GYS2: variants seen among roughly 807,000 people sequenced by gnomAD.
The protein encoded by GYS2 is glycogen [starch] synthase, liver.
GYS2 carries 80 observed loss-of-function variants against 85.6 expected under a neutral mutation model. The observed-to-expected ratio is 0.93, with a 90% CI of 0.78 to 1.13. The LOEUF (loss-of-function observed/expected upper bound fraction) is 1.13, where lower values mean the gene tolerates loss of function less well. Ranked by LOEUF, GYS2 falls within the 50% of genes most tolerant of loss-of-function variation. The pLI, the probability that GYS2 is intolerant of heterozygous loss-of-function variation, is 0.00. For missense variants in GYS2, 881 were observed against 854.9 expected (o/e 1.03, Z -0.38); for synonymous variants, 328 against 300.7 (o/e 1.09, Z -0.94).
chr12:21,586,627 CT>C (rs1944577542), intron 1 of GYS2, among the ~76,000 whole-genome samples: 1 of 152,036 alleles, frequency 6.6e-6, no homozygotes, highest in Admixed American at 6.6e-5. Context: ...CATATGATAC[CT>C]CCTTATGCCA....
At chr12:21,587,479 C>A (rs1565610334) in intron 1 of GYS2, among the ~76,000 whole-genome samples, 1 of 152,098 alleles carries the variant, frequency 6.6e-6, no homozygotes, top group Non-Finnish European at 1.5e-5. Context: ...CTTACAAGAT[C>A]TGATGGTTTT....
At chr12:21,545,907 T>C (rs1486354170) in intron 12 of GYS2, among the ~76,000 whole-genome samples, 1 of 152,188 alleles carries the variant, frequency 6.6e-6, no homozygotes, top group East Asian at 1.9e-4. Flanking sequence ...ATTAAATATG[T>C]TCATTAAATT....
At chr12:21,577,931 A>G (rs1170953148) in intron 2 of GYS2, among the ~76,000 whole-genome samples, 1 of 152,164 alleles carries the variant, frequency 6.6e-6, no homozygotes, top group African/African-American at 2.4e-5. Flanking sequence ...CCTTATCCTA[A>G]GCAACTTCAA....
chr12:21,593,619 T>C (rs1012197619), intron 1 of GYS2, among the ~76,000 whole-genome samples: 1 of 151,898 alleles, frequency 6.6e-6, no homozygotes, highest in African/African-American at 2.4e-5. Context: ...ATTGAATCAG[T>C]AGTAAAAAGT....
At chr12:21,588,382 CA>C (rs1214930952) in intron 1 of GYS2, among the ~76,000 whole-genome samples, 1 of 152,132 alleles carries the variant, frequency 6.6e-6, no homozygotes. Context: ...CTGAGCCATG[CA>C]AAATATACTT....
chr12:21,587,869 A>G (rs1944591773), intron 1 of GYS2, among the ~76,000 whole-genome samples: 1 of 152,074 alleles, frequency 6.6e-6, no homozygotes, highest in African/African-American at 2.4e-5. Context: ...TAATGGTCAG[A>G]GCCCAGGCCC....
chr12:21,577,695 C>T (rs1944462045), intron 2 of GYS2, among the ~76,000 whole-genome samples: 1 of 152,114 alleles, frequency 6.6e-6, no homozygotes, highest in African/African-American at 2.4e-5. Flanking sequence ...TTGCATGCAC[C>T]TCCTAGACAC....
chr12:21,589,696 T>C (rs1455767224), intron 1 of GYS2, among the ~76,000 whole-genome samples: 1 of 152,118 alleles, frequency 6.6e-6, no homozygotes. Flanking sequence ...CACATCTGCA[T>C]TATGGACTCC....
chr12:21,604,460 A>G lies in GYS2; in HGVS notation c.121+12T>C. 1 of 1,539,366 alleles carries G rather than the reference A, an allele frequency of 6.5e-7. No homozygotes were observed. Among genetic ancestry groups the G allele is most frequent in the Non-Finnish European group, 9.0e-7 (1 of 1,112,354 alleles). On this transcript the variant is annotated intron_variant, in intron 1 of 15. Transcript: ENST00000261195. ...GAAGGTGTACTGATCCACCTTCAGGAGCAGTACAAACCTTTATTGGTCACT... is the reference window on the plus strand; with the variant it reads ...GAAGGTGTACTGATCCACCTTCAGGGGCAGTACAAACCTTTATTGGTCACT...
rs34225615 is a variant in GYS2, at chr12:21,580,365, C to A, written c.280G>T (p.Ala94Ser). ...VNDAVRRAVD[A>S]MNKHGCQVHF... ...ACCTGGCAGCCATGCTTATTCATTG[C>A]GTCCACTGCTCTTCTGACAGCATCA... The change falls in exon 2 of 16, where the codon GCA becomes TCA. Residue 94 changes from alanine (A) to serine (S), a missense_variant. Transcript: ENST00000261195. 1 of 1,613,594 alleles carries A rather than the reference C, an allele frequency of 6.2e-7. No individual in the cohort carries two copies. The highest frequency in any genetic ancestry group is 1.6e-4 in the Middle Eastern group (1 of 6,062).
intron 5 of GYS2, among the ~76,000 whole-genome samples, chr12:21,566,638 C>T (rs555758336): frequency 2.6e-5 from 4 of 152,252 alleles, no homozygotes; most frequent in Admixed American, 1.3e-4. Context: ...TAAATCTTTA[C>T]AATGTACCAG....
Position 21,559,665 on chromosome 12 carries a change from A to G in GYS2, c.1215T>C (p.Tyr405=). 6.4e-7 allele frequency: 1 copy of G among 1,573,586 alleles called. No homozygotes were observed. ...CAAGCACCTACCTTAATAATGCATC[A>G]TAGAGTTTTTTTCCAAACTTTTCCT... ...SVKEKFGKKL[Y]DALLRGEIPD... is the part of the protein sequence containing the mutation. Residue 405 remains tyrosine (Y), a synonymous_variant, in exon 9 of 16, where the codon TAT becomes TAC. Coordinates refer to ENST00000261195, the MANE Select transcript of GYS2 (RefSeq NM_021957.4).
chr12:21,601,456 C>G (rs1944755581), intron 1 of GYS2, among the ~76,000 whole-genome samples: 1 of 152,132 alleles, frequency 6.6e-6, no homozygotes. Context: ...TACTCCTCTC[C>G]TTTTCCCTCT....
intron 13 of GYS2, among the ~76,000 whole-genome samples, chr12:21,542,196 C>T (rs2136841338): frequency 6.6e-6 from 1 of 151,976 alleles, no homozygotes; most frequent in South Asian, 2.1e-4. Flanking sequence ...TACAGGCGTG[C>T]ACCACCATAC....
chr12:21,540,546 C>A lies in GYS2; in HGVS notation c.1673G>T (p.Arg558Leu). The A allele has an allele frequency of 6.2e-7, 1 of 1,613,962 alleles. No homozygotes were observed. The highest frequency in any genetic ancestry group is 8.5e-7 in the Non-Finnish European group (1 of 1,179,908). Residue 558 changes from arginine to leucine, a missense_variant, in exon 14 of 16, where the codon CGT becomes CTT. Coordinates refer to ENST00000261195, the MANE Select transcript of GYS2 (RefSeq NM_021957.4). Reference protein sequence around the residue: ...YGIYIVDRRFRSPDDSCNQLT... With the variant: ...YGIYIVDRRFLSPDDSCNQLT... ...CTGATTGCAAGAATCATCTGGAGAA[C>A]GGAACCGCCTGTCAACGATGTAAAT...
Position 21,575,956 on chromosome 12 carries a change from C to G in GYS2, c.405G>C (p.Trp135Cys). 1 of 1,613,778 alleles carries G rather than the reference C, an allele frequency of 6.2e-7. No homozygotes were observed. The change falls in exon 3 of 16, where the codon TGG becomes TGC. Residue 135 changes from tryptophan to cysteine, a missense_variant. By Grantham distance (215) the Trp-to-Cys change is radical. Transcript: ENST00000261195. ...WNLDRWKGDL[W>C]EACSVGIPYH... ...AAGGAATGCCGACACTGCATGCTTC[C>G]CAGAGGTCACCCTTCCACCTGTCCA...
intron 1 of GYS2, among the ~76,000 whole-genome samples, chr12:21,591,984 A>G (rs770602209): frequency 6.6e-6 from 1 of 152,154 alleles, no homozygotes; most frequent in Non-Finnish European, 1.5e-5. Flanking sequence ...TACAAGAAAT[A>G]TTTAAGGGAG....
chr12:21,560,274 G>A, intron 8 of GYS2, 112 bp downstream of exon 8: 1 of 737,404 alleles, frequency 1.4e-6, no homozygotes, highest in South Asian at 1.4e-5. Context: ...TTATTTGTCT[G>A]TAATAATCTT....
chr12:21,582,144 C>CA (rs1268393056), intron 1 of GYS2, among the ~76,000 whole-genome samples: 1 of 151,992 alleles, frequency 6.6e-6, no homozygotes, highest in Non-Finnish European at 1.5e-5. Context: ...AACTCAACAA[C>CA]AAAAAAACCA....
Sources: gnomAD v4.1 joint callset for allele counts (sites outside exome capture counted in the v4.1 genomes callset) on GRCh38, gnomAD v4.1.1 for gene constraint, MANE v1.5 for transcripts, NCBI Gene and HGNC (gene_info 2026-07-23, HGNC 2026-07-21) for gene names.